The following PAPOLG variants were observed in gnomAD, a reference collection of about 807,000 sequenced individuals.
PAPOLG encodes poly(A) polymerase gamma.
A neutral mutation model predicts 99.0 loss-of-function variants in PAPOLG; 40 were observed. The observed-to-expected ratio is 0.40, with a 90% confidence interval of 0.31 to 0.53. The LOEUF is 0.53. Ranked by LOEUF, PAPOLG falls within the 20% of genes least tolerant of loss-of-function variation. The pLI is 0.41. For missense variants in PAPOLG, 675 were observed against 884.1 expected (o/e 0.76, Z 3.00); for synonymous variants, 310 against 299.3 (o/e 1.04, Z -0.37).
chr2:60,764,694 A>G (rs1670622006), intron 3 of PAPOLG, among the ~76,000 whole-genome samples: 4 of 152,068 alleles, frequency 2.6e-5, no homozygotes, highest in South Asian at 2.1e-4. Context: ...CCAAAGTGCT[A>G]GGATTATAGG....
At chr2:60,770,744 C>T (rs1336623748) in intron 6 of PAPOLG, among the ~76,000 whole-genome samples, 1 of 151,964 alleles carries the variant, frequency 6.6e-6, no homozygotes. Flanking sequence ...CCACCTGAGC[C>T]TCCTGAGTGG....
chr2:60,789,347 AAAAT>A (rs765698341), intron 15 of PAPOLG, among the ~76,000 whole-genome samples: 30 of 151,630 alleles, frequency 2.0e-4, no homozygotes, highest in East Asian at 5.8e-4. Flanking sequence ...AATAAAATAG[AAAAT>A]AAATAAATAA....
Position 60,770,504 on chromosome 2 carries a change from G to C in PAPOLG, c.485G>C (p.Gly162Ala), listed in dbSNP as rs374433129. The C allele has an allele frequency of 4.5e-6, 7 of 1,570,718 alleles. No individual in the cohort carries two copies. In the African/African-American group the frequency reaches 5.4e-5, roughly 12 times the overall value. Residue 162 changes from glycine (G) to alanine (A), a missense_variant, in exon 6 of 22, where the codon GGT becomes GCT. Coordinates refer to ENST00000238714, the MANE Select transcript of PAPOLG (RefSeq NM_022894.4). ...CCTGTTATAAAATTTGAATTTGATG[G>C]TATTGAAGTAAGTGTTTAATATTTT... Reference protein sequence around the residue: ...FVPVIKFEFDGIEIDLVFARL... With the variant: ...FVPVIKFEFDAIEIDLVFARL...
intron 3 of PAPOLG, among the ~76,000 whole-genome samples, chr2:60,762,878 C>T (rs1035220900): frequency 6.6e-6 from 1 of 152,074 alleles, no homozygotes; most frequent in African/African-American, 2.4e-5. Flanking sequence ...CCGCCTGCCT[C>T]AGCCTCCCAC....
intron 1 of PAPOLG, among the ~76,000 whole-genome samples, chr2:60,757,949 C>G (rs910294325): frequency 2.6e-5 from 4 of 152,186 alleles, no homozygotes; most frequent in African/African-American, 9.7e-5. Context: ...GGCCCGTCAT[C>G]ATGGTGTCAG....
chr2:60,768,067 A>G (rs965118783), intron 3 of PAPOLG, among the ~76,000 whole-genome samples: 2 of 152,060 alleles, frequency 1.3e-5, no homozygotes, highest in African/African-American at 4.8e-5. Context: ...ATCATGTATC[A>G]TTTGCTCAAT....
intron 16 of PAPOLG, 60 bp from the exon 17 acceptor site, chr2:60,792,069 A>T: frequency 6.6e-7 from 1 of 1,525,816 alleles, no homozygotes; most frequent in East Asian, 2.3e-5. Flanking sequence ...TTCAGAATTG[A>T]AACCAGTCTT....
chr2:60,758,610 G>A (rs1437366167), intron 1 of PAPOLG, among the ~76,000 whole-genome samples: 1 of 151,878 alleles, frequency 6.6e-6, no homozygotes, highest in East Asian at 1.9e-4. Flanking sequence ...TGTATTTTCA[G>A]TAGAGACGGG....
intron 6 of PAPOLG, among the ~76,000 whole-genome samples, 161 bp downstream of exon 6, chr2:60,770,672 G>A (rs1670826082): frequency 6.6e-6 from 1 of 151,676 alleles, no homozygotes. Flanking sequence ...GGCCAAGGCT[G>A]GAGTATAGTG....
At chr2:60,796,877 T>C (rs1234079206) in intron 21 of PAPOLG, 185 bp from the exon 22 acceptor site, 2 of 242,962 alleles carry the variant, frequency 8.2e-6, no homozygotes, top group Non-Finnish European at 1.3e-5. Context: ...TAAAAAGAAG[T>C]AGCAGTTCCG....
At chr2:60,774,911 A>C in intron 7 of PAPOLG, 123 bp from the exon 8 acceptor site, 1 of 1,480,612 alleles carries the variant, frequency 6.8e-7, no homozygotes, top group Non-Finnish European at 9.0e-7. Flanking sequence ...TACACATAAA[A>C]TAAGCCCCAA....
At chr2:60,763,094 A>T (rs11686812) in intron 3 of PAPOLG, among the ~76,000 whole-genome samples, 38,563 of 148,780 alleles carry the variant, frequency 0.26, 5,214 homozygotes, top group Middle Eastern at 0.37. Flanking sequence ...TTTTTTTTAT[A>T]GACAGGATCT....
In PAPOLG at chr2:60,791,842, A is replaced by G; in HGVS notation, c.1478A>G (p.His493Arg). Residue 493 changes from histidine (H) to arginine (R), a missense_variant, in exon 16 of 22, where the codon CAC becomes CGC. By Grantham distance (29) the His-to-Arg change is conservative (BLOSUM62 0). Transcript: ENST00000238714. Reference sequence around the variant, plus strand: ...ACTCATGTAAAGAAAAAACAACTTCACCACTACCTTCCTGCAGAAATTCTT... The same window carrying G: ...ACTCATGTAAAGAAAAAACAACTTCGCCACTACCTTCCTGCAGAAATTCTT... The part of the protein sequence containing the change: ...EATHVKKKQL[H>R]HYLPAEILQK... The G allele has an allele frequency of 6.2e-7, 1 of 1,613,636 alleles. No homozygotes were observed. Among genetic ancestry groups the G allele is most frequent in the Non-Finnish European group, 8.5e-7 (1 of 1,179,906 alleles).
intron 13 of PAPOLG, among the ~76,000 whole-genome samples, chr2:60,783,728 G>T (rs1671272406): frequency 6.6e-6 from 1 of 151,762 alleles, no homozygotes; most frequent in East Asian, 1.9e-4. Flanking sequence ...TGGCCAGGCT[G>T]GTCTCGAACT....
At chr2:60,763,217 T>C (rs1037366730) in intron 3 of PAPOLG, among the ~76,000 whole-genome samples, 3 of 151,896 alleles carry the variant, frequency 2.0e-5, no homozygotes, top group African/African-American at 7.3e-5. Flanking sequence ...GCTGGAACTG[T>C]AGGAATGCAC....
At position 60,756,350 on chromosome 2, in the gene PAPOLG, G is replaced by C. The variant is rs1178289069; in HGVS notation, c.-129G>C. 1 of 1,181,708 alleles carries C rather than the reference G, an allele frequency of 8.5e-7. No individual in the cohort carries two copies. Among genetic ancestry groups the C allele is most frequent in the Non-Finnish European group, 1.3e-6 (1 of 792,830 alleles). The allele number at this position is 1,181,708 out of a possible 1,614,324, so 73.2% of individuals were successfully genotyped here. On this transcript the variant is annotated 5_prime_UTR_variant, in exon 1 of 22. It removes the in-frame stop codon of an upstream open reading frame in the 5' UTR. Coordinates refer to ENST00000238714, the MANE Select transcript of PAPOLG (RefSeq NM_022894.4). ...TACTCGGTTGGATGCCTCAGCCATA[G>C]TAAGTGGGAAAGTGAGCGAGCAAGC...
At position 60,760,140 on chromosome 2, in the gene PAPOLG, C is replaced by G. The variant is rs181836391; in HGVS notation, c.24C>G (p.Thr8=). The change falls in exon 2 of 22, where the codon ACC becomes ACG. Residue 8 remains threonine (T), a synonymous_variant. Transcript: ENST00000238714. ...TTCTTATTTTCTTGAACAGAAACACCGTGCTGGACAGCCAGCGTCAACAAA... is the reference window on the plus strand; with the variant it reads ...TTCTTATTTTCTTGAACAGAAACACGGTGCTGGACAGCCAGCGTCAACAAA... MKEMSAN[T]VLDSQRQQKH... is the part of the protein sequence containing the mutation. 9 of 1,613,158 alleles carry G rather than the reference C, an allele frequency of 5.6e-6. No homozygotes were observed. In the South Asian group the frequency reaches 8.8e-5, roughly 16 times the overall value.
intron 3 of PAPOLG, 110 bp from the exon 4 acceptor site, chr2:60,768,360 C>CTA: frequency 8.9e-7 from 1 of 1,127,970 alleles, no homozygotes; most frequent in East Asian, 2.5e-5. Flanking sequence ...CCTTGGCCTC[C>CTA]TATAGTGCTG....
At position 60,794,209 on chromosome 2, in the gene PAPOLG, G is replaced by T. The variant is rs1397822412; in HGVS notation, c.1989+18G>T. ...TAGAAAAGGTAAAGTTACAACTTTAGTGGTAATTCAGTAGTTGATATTTTT... is the reference window on the plus strand; with the variant it reads ...TAGAAAAGGTAAAGTTACAACTTTATTGGTAATTCAGTAGTTGATATTTTT... On this transcript the variant is annotated intron_variant, in intron 19 of 21. Transcript: ENST00000238714. The T allele has an allele frequency of 1.2e-6, 2 of 1,602,958 alleles. No homozygotes were observed. The highest frequency in any genetic ancestry group is 1.1e-5 in the South Asian group (1 of 90,350).
Sources: gnomAD v4.1 joint callset for allele counts (sites outside exome capture counted in the v4.1 genomes callset) on GRCh38, gnomAD v4.1.1 for gene constraint, MANE v1.5 for transcripts, NCBI Gene and HGNC (gene_info 2026-07-23, HGNC 2026-07-21) for gene names.